Variants in KHDRBS2 observed in about 807,000 individuals in gnomAD.
KHDRBS2 encodes the protein KH domain-containing, RNA-binding, signal transduction-associated protein 2.
Under a neutral mutation model 44.3 loss-of-function variants are expected in KHDRBS2, and 26 were observed. The observed-to-expected ratio is 0.59, with a 90% CI of 0.43 to 0.81. KHDRBS2 has a LOEUF of 0.81. Ranked by LOEUF, KHDRBS2 falls within the 40% of genes least tolerant of loss-of-function variation. KHDRBS2 has a pLI of 0.00. For synonymous variants in KHDRBS2, 194 were observed against 151.1 expected (o/e 1.28, Z -2.08); for missense variants, 476 against 433.1 (o/e 1.10, Z -0.88).
At chr6:61,844,008 T>A (rs1794000736) in intron 6 of KHDRBS2, among the ~76,000 whole-genome samples, 1 of 152,154 alleles carries the variant, frequency 6.6e-6, no homozygotes, top group Non-Finnish European at 1.5e-5. Flanking sequence ...CATATTCACA[T>A]AGGTTTAAAA....
At position 62,074,649 on chromosome 6, in the gene KHDRBS2, T is replaced by TA. The variant is rs575893809; in HGVS notation, c.220-26656dup. ...AACGTTTCAAGAACTTTAAAGTTTT[T>TA]AAAAAATATATATGTTATCATGGCT... On this transcript the variant is annotated intron_variant, in intron 2 of 8. Coordinates refer to ENST00000281156, the MANE Select transcript of KHDRBS2 (RefSeq NM_152688.4). 2.0e-3 allele frequency among the ~76,000 whole-genome samples: 301 copies of TA among 152,022 alleles called. 2 individuals are homozygous for TA. The highest frequency in any genetic ancestry group is 6.8e-3 in the African/African-American group (284 of 41,550).
chr6:62,115,237 G>C (rs1195844305), intron 2 of KHDRBS2, among the ~76,000 whole-genome samples: 5 of 152,068 alleles, frequency 3.3e-5, no homozygotes, highest in African/African-American at 9.7e-5. Context: ...AAGTTTTATA[G>C]TAACAGTATT....
chr6:62,245,461 T>C (rs967425940), intron 1 of KHDRBS2, among the ~76,000 whole-genome samples: 2 of 152,146 alleles, frequency 1.3e-5, no homozygotes, highest in African/African-American at 4.8e-5. Flanking sequence ...TTGATTTTCT[T>C]TCTGTTTCTA....
chr6:61,636,624 A>C, the KHDRBS2 span, among the ~76,000 whole-genome samples: 1 of 152,148 alleles, frequency 6.6e-6, no homozygotes, highest in Admixed American at 6.6e-5. Flanking sequence ...TGCTATTGGC[A>C]TCTAATGGAT....
the KHDRBS2 span, among the ~76,000 whole-genome samples, chr6:61,668,583 T>C: frequency 6.6e-6 from 1 of 151,188 alleles, no homozygotes; most frequent in African/African-American, 2.4e-5. Flanking sequence ...TTTTATGTGA[T>C]AAACAGTACA....
chr6:62,161,228 T>C lies in KHDRBS2; in HGVS notation c.219+15957A>G, dbSNP rs1817550453. ...CATATATTTGAATCACTTTTAAAAA[T>C]CTATTCTGTCAATCGCTTTTGATTG... On this transcript the variant is annotated intron_variant, in intron 2 of 8. Transcript: ENST00000281156. Among the ~76,000 whole-genome samples, 4 of 152,030 alleles carry C rather than the reference T, an allele frequency of 2.6e-5. No individual in the cohort carries two copies. The South Asian group carries it at 8.3e-4, about 31-fold the overall frequency.
At chr6:62,037,311 C>T (rs1308732858) in intron 3 of KHDRBS2, among the ~76,000 whole-genome samples, 1 of 151,522 alleles carries the variant, frequency 6.6e-6, no homozygotes, top group Non-Finnish European at 1.5e-5. Flanking sequence ...TGACTGTGGT[C>T]TTAAAGGACT....
intron 6 of KHDRBS2, among the ~76,000 whole-genome samples, chr6:61,762,432 G>A (rs1779404960): frequency 5.3e-5 from 8 of 152,150 alleles, no homozygotes; most frequent in Admixed American, 5.2e-4. Flanking sequence ...AGGTGTTTGA[G>A]TCATGGGGGC....
At chr6:62,090,991 C>T (rs1285424269) in intron 2 of KHDRBS2, among the ~76,000 whole-genome samples, 1 of 152,140 alleles carries the variant, frequency 6.6e-6, no homozygotes. Flanking sequence ...AATCTGATTT[C>T]CACAACCTAT....
chr6:61,773,398 T>C (rs1272469990), intron 6 of KHDRBS2, among the ~76,000 whole-genome samples: 5 of 152,084 alleles, frequency 3.3e-5, no homozygotes, highest in Non-Finnish European at 5.9e-5. Context: ...CCAGTGATGA[T>C]GAGCATTTTT....
chr6:61,875,050 C>T (rs1383333174), intron 6 of KHDRBS2, among the ~76,000 whole-genome samples: 1 of 152,040 alleles, frequency 6.6e-6, no homozygotes, highest in Non-Finnish European at 1.5e-5. Context: ...ACATTAAAGG[C>T]TGACTGGACT....
rs147816366 is a variant in KHDRBS2, at chr6:61,886,070, C to G, written c.810+8565G>C. 4.5e-3 allele frequency among the ~76,000 whole-genome samples: 679 copies of G among 152,268 alleles called. 8 individuals carry two copies. Among genetic ancestry groups the G allele is most frequent in the African/African-American group, 0.015 (638 of 41,570 alleles). ...TAGGGCCACATCTCAGTCAGTCTCA[C>G]TATTGTTAATTCCCTAAATCTTCTT... On this transcript the variant is annotated intron_variant, in intron 6 of 8. Transcript: ENST00000281156.
the KHDRBS2 span, among the ~76,000 whole-genome samples, chr6:61,580,219 G>A: frequency 6.6e-6 from 1 of 152,172 alleles, no homozygotes; most frequent in Non-Finnish European, 1.5e-5. Context: ...ACCAGTAAAA[G>A]TAAGAGGTGA....
At chr6:61,809,047 T>G (rs1037689532) in intron 6 of KHDRBS2, among the ~76,000 whole-genome samples, 1 of 152,058 alleles carries the variant, frequency 6.6e-6, no homozygotes, top group South Asian at 2.1e-4. Context: ...TGAATATGTA[T>G]TCCTTATCTA....
chr6:61,644,316 T>C, the KHDRBS2 span, among the ~76,000 whole-genome samples: 1 of 152,138 alleles, frequency 6.6e-6, no homozygotes, highest in Non-Finnish European at 1.5e-5. Context: ...AACAATGGAT[T>C]AAAGACTTAA....
chr6:61,688,876 G>A (rs1305403810), intron 8 of KHDRBS2, among the ~76,000 whole-genome samples: 1 of 151,822 alleles, frequency 6.6e-6, no homozygotes, highest in Non-Finnish European at 1.5e-5. Context: ...TGATTGGAGT[G>A]TCTTTGTTAT....
At chr6:61,954,280 C>T (rs12697928) in intron 4 of KHDRBS2, among the ~76,000 whole-genome samples, 104,671 of 122,430 alleles carry the variant, frequency 0.85, 45,196 homozygotes, top group African/African-American at 0.97. Flanking sequence ...TAGAAATGTG[C>T]GTGTGTCTAC....
chr6:62,216,576 C>T (rs1830008611), intron 1 of KHDRBS2, among the ~76,000 whole-genome samples: 1 of 151,358 alleles, frequency 6.6e-6, no homozygotes, highest in African/African-American at 2.4e-5. Flanking sequence ...TGAAGTTCCA[C>T]AGGAGTCTTT....
the KHDRBS2 span, among the ~76,000 whole-genome samples, chr6:61,588,320 A>G: frequency 1.3e-5 from 2 of 152,134 alleles, no homozygotes; most frequent in African/African-American, 4.8e-5. Flanking sequence ...TCTGTTTTGT[A>G]TTCATTTCTC....
Sources: allele counts gnomAD v4.1 joint callset (sites outside exome capture counted in the v4.1 genomes callset), GRCh38; gene constraint gnomAD v4.1.1; transcripts MANE v1.5; gene names NCBI Gene and HGNC (gene_info 2026-07-23, HGNC 2026-07-21).